The following SYNCRIP variants were observed in gnomAD, a reference collection of about 807,000 sequenced individuals.
SYNCRIP encodes synaptotagmin binding cytoplasmic RNA interacting protein.
A neutral mutation model predicts 68.9 loss-of-function variants in SYNCRIP; 9 were observed. That is an observed-to-expected ratio of 0.13 (90% CI 0.08 to 0.23). The LOEUF (loss-of-function observed/expected upper bound fraction) is 0.23. Ranked by LOEUF, SYNCRIP falls within the 10% of genes least tolerant of loss-of-function variation. The pLI, the probability that SYNCRIP is intolerant of heterozygous loss-of-function variation, is 1.00. For missense variants in SYNCRIP, 414 were observed against 770.6 expected, an observed-to-expected ratio of 0.54 and a Z score of 5.48; for synonymous variants, 258 against 254.0, an observed-to-expected ratio of 1.02 and a Z score of -0.15.
chr6:85,630,205 C>CA (rs1272145602), intron 6 of SYNCRIP, among the ~76,000 whole-genome samples: 27 of 151,118 alleles, frequency 1.8e-4, no homozygotes, highest in Non-Finnish European at 3.4e-4. Context: ...ACTAAAAATA[C>CA]AAAAAAATTA....
intron 1 of SYNCRIP, among the ~76,000 whole-genome samples, chr6:85,641,892 G>A (rs1350099330): frequency 6.6e-6 from 1 of 152,058 alleles, no homozygotes; most frequent in Admixed American, 6.5e-5. Flanking sequence ...AGAACAAAGC[G>A]CTCATACAAG....
At chr6:85,624,849 G>T (rs1422154872) in intron 6 of SYNCRIP, among the ~76,000 whole-genome samples, 3 of 152,112 alleles carry the variant, frequency 2.0e-5, no homozygotes, top group African/African-American at 2.4e-5. Flanking sequence ...CTAGAAAAGT[G>T]GATTATATGG....
intron 4 of SYNCRIP, 71 bp from the exon 5 acceptor site, chr6:85,637,427 C>G: frequency 1.0e-6 from 1 of 966,304 alleles, no homozygotes; most frequent in South Asian, 1.5e-5. Context: ...CAGTTAACAT[C>G]CATCTTGCTC....
At chr6:85,641,914 C>T (rs1809209031) in intron 1 of SYNCRIP, among the ~76,000 whole-genome samples, 1 of 152,190 alleles carries the variant, frequency 6.6e-6, no homozygotes, top group Non-Finnish European at 1.5e-5. Context: ...CACCTTCCCA[C>T]CACCCAATTT....
chr6:85,613,266 C>A (rs1269701807), downstream of SYNCRIP, among the ~76,000 whole-genome samples: 1 of 151,732 alleles, frequency 6.6e-6, no homozygotes, highest in Non-Finnish European at 1.5e-5. Context: ...CAAGTAATTC[C>A]CATTTTTGAG....
rs1191184930 is a variant in SYNCRIP at position 85,614,884 on chromosome 6, T to C, written c.1744A>G (p.Asn582Asp). 2 of 1,614,044 alleles carry C rather than the reference T, an allele frequency of 1.2e-6. No homozygotes were observed. The highest frequency in any genetic ancestry group is 1.7e-6 in the Non-Finnish European group (2 of 1,180,038). ...QPDSKRRQTN[N>D]QNWGSQPIAQ... ...ATGGGTTGGGAGCCCCAGTTCTGAT[T>C]ATTGGTCTGGCGCCGCTTGGAATCT... The change falls in exon 11 of 11, where the codon AAT becomes GAT. Residue 582 changes from asparagine (N) to aspartate (D), a missense_variant. Physicochemically the swap from Asn to Asp is conservative, Grantham distance 23. This residue lies in a region of SYNCRIP where 130 missense variants were observed against 149.0 expected (regional missense o/e 0.87). Coordinates refer to ENST00000369622, the MANE Select transcript of SYNCRIP (RefSeq NM_006372.5).
At chr6:85,610,608 T>C (rs1227240422), downstream of SYNCRIP, 1 of 152,012 alleles carries the variant, frequency 6.6e-6, no homozygotes, top group Non-Finnish European at 1.5e-5. Flanking sequence ...TGTCCTAAAA[T>C]CCCAACAAGT....
At position 85,641,248 on chromosome 6, in the gene SYNCRIP, A is replaced by G. The variant is rs909192413; in HGVS notation, c.148+44T>C. 10 of 1,552,968 alleles carry G rather than the reference A, an allele frequency of 6.4e-6. No homozygotes were observed. The South Asian group carries it at 9.0e-5, about 14-fold the overall frequency. On this transcript the variant is annotated intron_variant, in intron 2 of 10. Transcript: ENST00000369622. Reference sequence around the variant, plus strand: ...ATTTTAGCTCAAAGCCAGAAATCCAATAGAAAAATTTCATAATGTAATTTT... The same window carrying G: ...ATTTTAGCTCAAAGCCAGAAATCCAGTAGAAAAATTTCATAATGTAATTTT...
At chr6:85,623,071 C>T (rs1806603704) in intron 7 of SYNCRIP, among the ~76,000 whole-genome samples, 3 of 151,992 alleles carry the variant, frequency 2.0e-5, no homozygotes, top group African/African-American at 4.8e-5. Context: ...ACTTTTCTGG[C>T]CTTAGATATC....
At position 85,614,763 on chromosome 6, in the gene SYNCRIP, C is replaced by T; in HGVS notation, c.1865G>A (p.Trp622Ter). 1.3e-6 allele frequency: 2 copies of T among 1,590,600 alleles called. No individual in the cohort carries two copies. Among genetic ancestry groups the T allele is most frequent in the Non-Finnish European group, 1.7e-6 (2 of 1,169,618 alleles). The change falls in exon 11 of 11, where the codon TGG becomes TAG. Residue 622 changes from tryptophan to a stop codon, truncating the protein, a stop_gained. Coordinates refer to ENST00000369622, the MANE Select transcript of SYNCRIP (RefSeq NM_006372.5). LOFTEE classifies it high-confidence loss of function. ...ACAGAGGCCCTACTGTTTCTACTTC[C>T]ACTGTTGCCCAAAAGTATCCTGATA... ...EFYQDTFGQQ[W>*]K is the part of the protein sequence containing the mutation.
chr6:85,636,863 A>C lies in SYNCRIP; in HGVS notation c.666+104T>G, dbSNP rs564783881. The stretch of plus-strand genomic sequence containing the variant: ...GGGAAAAAAAAAACCTGCCTAAATC[A>C]GTACTTCAAAAAATGTTTGGTAAAC... On this transcript the variant is annotated intron_variant, in intron 6 of 10. Transcript: ENST00000369622. The C allele has an allele frequency of 3.5e-5, 40 of 1,145,808 alleles. No homozygotes were observed. In the African/African-American group the frequency reaches 4.8e-4, roughly 14 times the overall value. The allele number at this position is 1,145,808 out of a possible 1,614,324, so 71.0% of individuals were successfully genotyped here.
At chr6:85,611,361 T>C (rs905136550), downstream of SYNCRIP, 1 of 152,540 alleles carries the variant, frequency 6.6e-6, no homozygotes, top group African/African-American at 2.4e-5. Flanking sequence ...TGCAAAATGA[T>C]TGTTTGCCAT....
chr6:85,620,220 T>C (rs1806233846), intron 8 of SYNCRIP, among the ~76,000 whole-genome samples: 1 of 152,184 alleles, frequency 6.6e-6, no homozygotes, highest in African/African-American at 2.4e-5. Flanking sequence ...CACTCCATCC[T>C]GGGTAACACA....
intron 10 of SYNCRIP, among the ~76,000 whole-genome samples, chr6:85,616,325 T>G (rs1056707167): frequency 1.3e-5 from 2 of 152,048 alleles, no homozygotes; most frequent in African/African-American, 2.4e-5. Context: ...GTTATGTTAT[T>G]TTATTTATTT....
intron 5 of SYNCRIP, 21 bp from the exon 6 acceptor site, chr6:85,637,164 A>T (rs773650982): frequency 6.2e-7 from 1 of 1,607,316 alleles, no homozygotes; most frequent in East Asian, 2.2e-5. Context: ...AATATTAAGT[A>T]AAAACCATGG....
chr6:85,623,895 A>G, intron 7 of SYNCRIP, 82 bp downstream of exon 7: 1 of 1,515,708 alleles, frequency 6.6e-7, no homozygotes. Context: ...AAATGTATTT[A>G]GAACAATGCA....
chr6:85,616,962 CA>C (rs1379053878), intron 10 of SYNCRIP, among the ~76,000 whole-genome samples: 1 of 152,000 alleles, frequency 6.6e-6, no homozygotes, highest in Admixed American at 6.5e-5. Flanking sequence ...AAGAATTATC[CA>C]GCCCAAAATG....
rs67258131 is a variant in SYNCRIP at position 85,623,562 on chromosome 6, C to CAAAA, written c.802+411_802+414dup. 8.4e-4 allele frequency among the ~76,000 whole-genome samples: 53 copies of CAAAA among 63,244 alleles called. 2 individuals carry two copies. Among genetic ancestry groups the CAAAA allele is most frequent in the African/African-American group, 2.4e-3 (36 of 14,710 alleles). 41.5% of individuals were successfully genotyped at this position (63,244 alleles called of 152,430 possible). A position where few individuals can be genotyped will look rare whatever the true frequency, so the allele number is the denominator to read the frequency against. ...CTGGGCAACAAAGCAAGACTGTCTCCAAAAAAAAAAAAAAAAAAAAACACT... is the reference window on the plus strand; with the variant it reads ...CTGGGCAACAAAGCAAGACTGTCTCCAAAAAAAAAAAAAAAAAAAAAAAAACACT... On this transcript the variant is annotated intron_variant, in intron 7 of 10. Transcript: ENST00000369622.
chr6:85,623,889 G>GT, intron 7 of SYNCRIP, 88 bp downstream of exon 7: 1 of 1,480,952 alleles, frequency 6.8e-7, no homozygotes, highest in Non-Finnish European at 9.2e-7. Context: ...GTCAATAAAT[G>GT]TATTTAGAAC....
Sources: gnomAD v4.1 joint callset for allele counts (sites outside exome capture counted in the v4.1 genomes callset) on GRCh38, gnomAD v4.1.1 for gene constraint, gnomAD v4.1.1 regional missense constraint, MANE v1.5 for transcripts, NCBI Gene and HGNC (gene_info 2026-07-23, HGNC 2026-07-21) for gene names.